NLRP3: variants seen among roughly 807,000 people sequenced by gnomAD.
NLRP3 encodes NLR family pyrin domain containing 3, also known as NACHT, LRR and PYD domains-containing protein 3.
Under a neutral mutation model 91.3 loss-of-function variants are expected in NLRP3, and 48 were observed. That is an observed-to-expected ratio of 0.53 (90% CI 0.42 to 0.67). NLRP3 has a LOEUF of 0.67. Among genes scored for constraint, NLRP3 ranks in the 30% least tolerant of loss-of-function variants. The pLI, the probability that NLRP3 is intolerant of heterozygous loss-of-function variation, is 0.00. For missense variants in NLRP3, 982 were observed against 1,276.9 expected, an observed-to-expected ratio of 0.77 and a Z score of 3.52; for synonymous variants, 561 against 507.9, an observed-to-expected ratio of 1.10 and a Z score of -1.41.
Position 247,422,105 on chromosome 1 carries a change from G to A in NLRP3, c.278-1125G>A, listed in dbSNP as rs540447888. ...GTCAGAGGTCTTTTATGGGCTGGGCGCAGTGGCTTATGCCTGTAATCCCAG... is the reference window on the plus strand; with the variant it reads ...GTCAGAGGTCTTTTATGGGCTGGGCACAGTGGCTTATGCCTGTAATCCCAG... On this transcript the variant is annotated intron_variant, in intron 2 of 9. Transcript: ENST00000336119. Among the ~76,000 whole-genome samples the A allele has an allele frequency of 5.3e-5, 8 of 152,042 alleles. No homozygotes were observed. In the South Asian group the frequency reaches 8.3e-4, roughly 16 times the overall value.
chr1:247,423,768 C>G (rs866266165), intron 3 of NLRP3, 79 bp from the exon 4 acceptor site: 1 of 1,315,010 alleles, frequency 7.6e-7, no homozygotes, highest in Non-Finnish European at 1.1e-6. Context: ...CACTCGCTTC[C>G]GATGACAGGC....
chr1:247,427,793 T>C (rs1209003062), intron 4 of NLRP3, among the ~76,000 whole-genome samples: 2 of 48,628 alleles, frequency 4.1e-5, no homozygotes, highest in African/African-American at 1.6e-4. Context: ...AGCACCCATT[T>C]CTCTAGATAG....
chr1:247,434,561 T>C (rs555483204), intron 6 of NLRP3, among the ~76,000 whole-genome samples: 6 of 152,320 alleles, frequency 3.9e-5, no homozygotes, highest in African/African-American at 1.4e-4. Context: ...GTGTAATGCA[T>C]TGCTTTAGAG....
At chr1:247,436,684 T>C (rs1420833622) in intron 7 of NLRP3, among the ~76,000 whole-genome samples, 1 of 152,240 alleles carries the variant, frequency 6.6e-6, no homozygotes, top group South Asian at 2.1e-4. Flanking sequence ...GACCTGATGA[T>C]GCATGGTGGA....
At position 247,444,139 on chromosome 1, in the gene NLRP3, T is replaced by C. The variant is rs1391493367; in HGVS notation, c.2831T>C (p.Leu944Ser). 6.2e-7 allele frequency: 1 copy of C among 1,614,214 alleles called. No individual in the cohort carries two copies. Among genetic ancestry groups the C allele is most frequent in the Admixed American group, 1.7e-5 (1 of 60,020 alleles). Residue 944 changes from leucine to serine, a missense_variant, in exon 8 of 10, where the codon TTG becomes TCG. Transcript: ENST00000336119. ...LLHPDCKLQV[L>S]ELDNCNLTSH... ...CACCCCGACTGCAAGCTTCAGGTGT[T>C]GGAGTAAGTCCTTTGGTTTATTACA...
chr1:247,421,211 T>A (rs1662434761), intron 2 of NLRP3, among the ~76,000 whole-genome samples: 1 of 151,774 alleles, frequency 6.6e-6, no homozygotes, highest in Non-Finnish European at 1.5e-5. Context: ...GTAGAGCTGG[T>A]GGTGATGGGA....
At position 247,444,634 on chromosome 1, in the gene NLRP3, T is replaced by C; in HGVS notation, c.2835-17T>C. On this transcript the variant is annotated splice_polypyrimidine_tract_variant and intron_variant, in intron 8 of 9. Coordinates refer to ENST00000336119, the MANE Select transcript of NLRP3 (RefSeq NM_001243133.2). ...TGGTTAAGGGGACATTTTCTTTAAA[T>C]CACCCCCTTTTTGCAGATTAGACAA... 6.2e-7 allele frequency: 1 copy of C among 1,613,660 alleles called. No homozygotes were observed. The highest frequency in any genetic ancestry group is 8.5e-7 in the Non-Finnish European group (1 of 1,179,862).
At position 247,424,050 on chromosome 1, in the gene NLRP3, A is replaced by G. The variant is rs1475329208; in HGVS notation, c.601A>G (p.Ile201Val). The change falls in exon 4 of 10, where the codon ATT (isoleucine) becomes GTT (valine). Residue 201 changes from isoleucine (I) to valine (V), a missense_variant. This residue lies in a region of NLRP3 where 548 missense variants were observed against 713.7 expected (regional missense o/e 0.77). Coordinates refer to ENST00000336119, the MANE Select transcript of NLRP3 (RefSeq NM_001243133.2). This position sits in a 1 kb window ranked among gnomAD's most constrained non-coding sequence, Gnocchi z 8.1. ...TKTCESPVSP[I>V]KMELLFDPDD... ...GACGTGTGAGAGCCCCGTGAGTCCC[A>G]TTAAGATGGAGTTGCTGTTTGACCC... 2 of 1,614,060 alleles carry G rather than the reference A, an allele frequency of 1.2e-6. No homozygotes were observed. The highest frequency in any genetic ancestry group is 1.7e-6 in the Non-Finnish European group (2 of 1,180,012).
chr1:247,444,229 T>C, intron 8 of NLRP3, 87 bp downstream of exon 8: 1 of 1,346,880 alleles, frequency 7.4e-7, no homozygotes, highest in Non-Finnish European at 1.1e-6. Flanking sequence ...CAAGATAATC[T>C]GTATCTTAGA....
At chr1:247,439,913 T>C (rs1664084597) in intron 7 of NLRP3, among the ~76,000 whole-genome samples, 1 of 152,250 alleles carries the variant, frequency 6.6e-6, no homozygotes, top group East Asian at 1.9e-4. Context: ...CATTTGTATA[T>C]ATAGTTTTAT....
intron 9 of NLRP3, among the ~76,000 whole-genome samples, chr1:247,445,650 G>C (rs780292636): frequency 1.1e-4 from 17 of 152,158 alleles, no homozygotes; most frequent in Non-Finnish European, 1.6e-4. Context: ...GCTTCCTGGC[G>C]AGTCCCACGG....
Position 247,419,164 on chromosome 1 carries a change from A to ATTTTTTT in NLRP3, c.277+90_277+96dup, listed in dbSNP as rs796602770. On this transcript the variant is annotated intron_variant, in intron 2 of 9. Coordinates refer to ENST00000336119, the MANE Select transcript of NLRP3 (RefSeq NM_001243133.2). Reference sequence around the variant, plus strand: ...CATCTTTATATATATATATATATATATTTTTTTTTGAGACGGAGTTGCTCT... The same window carrying ATTTTTTT: ...CATCTTTATATATATATATATATATATTTTTTTTTTTTTTTTGAGACGGAGTTGCTCT... 24 of 693,348 alleles carry ATTTTTTT rather than the reference A, an allele frequency of 3.5e-5. No homozygotes were observed. The African/African-American group carries it at 5.6e-4, about 16-fold the overall frequency. 42.9% of individuals were successfully genotyped at this position (693,348 alleles called of 1,614,324 possible).
chr1:247,423,393 G>C (rs1057338684), intron 3 of NLRP3, 44 bp downstream of exon 3: 13 of 1,612,368 alleles, frequency 8.1e-6, no homozygotes, highest in Non-Finnish European at 1.1e-5. Flanking sequence ...TTAAGACCTG[G>C]TTCAGGAGGC....
At chr1:247,433,191 A>C (rs566878442) in intron 5 of NLRP3, among the ~76,000 whole-genome samples, 2 of 152,020 alleles carry the variant, frequency 1.3e-5, no homozygotes, top group Non-Finnish European at 2.9e-5. Context: ...TGTGCAACAA[A>C]GTGAGACCCT....
chr1:247,424,514 A>G lies in NLRP3; in HGVS notation c.1065A>G (p.Lys355=). Residue 355 remains lysine, a synonymous_variant, in exon 4 of 10, where the codon AAA becomes AAG. Transcript: ENST00000336119. This position sits in a 1 kb window ranked among gnomAD's most constrained non-coding sequence, Gnocchi z 8.1. ...LITTRPVALE[K]LQHLLDHPRH... is the part of the protein sequence containing the mutation. The stretch of plus-strand genomic sequence containing the variant: ...CCACGAGACCTGTGGCCCTGGAGAA[A>G]CTGCAGCACTTGCTGGACCATCCTC... 1.9e-6 allele frequency: 3 copies of G among 1,614,178 alleles called. No individual in the cohort carries two copies. Among genetic ancestry groups the G allele is most frequent in the Non-Finnish European group, 2.5e-6 (3 of 1,180,038 alleles).
chr1:247,441,084 CCTTCCTT>C (rs1183325050), intron 7 of NLRP3, among the ~76,000 whole-genome samples: 1 of 150,818 alleles, frequency 6.6e-6, no homozygotes, highest in Non-Finnish European at 1.5e-5. Flanking sequence ...TTCCTTCCTT[CCTTCCTT>C]CTTCCTCCTC....
In NLRP3 at chr1:247,418,920, G is replaced by A. The variant is rs756288207; in HGVS notation, c.120G>A (p.Pro40=). 10 of 1,613,960 alleles carry A rather than the reference G, an allele frequency of 6.2e-6. No homozygotes were observed. The highest frequency in any genetic ancestry group is 2.2e-5 in the East Asian group (1 of 44,888). Residue 40 remains proline (P), a synonymous_variant, in exon 2 of 10, where the codon CCG becomes CCA. Coordinates refer to ENST00000336119, the MANE Select transcript of NLRP3 (RefSeq NM_001243133.2). ...CCCAGAAGGGCTGCATCCCCCTCCC[G>A]AGGGGTCAGACAGAGAAGGCAGACC... is the stretch of plus-strand genomic sequence containing the variant. ...YPPQKGCIPL[P]RGQTEKADHV...
intron 9 of NLRP3, among the ~76,000 whole-genome samples, chr1:247,447,331 C>T (rs375923115): frequency 5.9e-5 from 9 of 152,254 alleles, no homozygotes; most frequent in African/African-American, 2.2e-4. Context: ...TGATATCTCT[C>T]CTGTAAGGGC....
intron 7 of NLRP3, among the ~76,000 whole-genome samples, chr1:247,437,118 C>T (rs1663849994): frequency 3.3e-5 from 5 of 152,182 alleles, no homozygotes. Context: ...TGCTAATGGG[C>T]TCTCTACAGG....
Sources: allele counts gnomAD v4.1 joint callset (sites outside exome capture counted in the v4.1 genomes callset), GRCh38; gene constraint gnomAD v4.1.1; regional missense constraint gnomAD v4.1.1; non-coding constraint Gnocchi (gnomAD v3.1); transcripts MANE v1.5; gene names NCBI Gene and HGNC (gene_info 2026-07-23, HGNC 2026-07-21).